PRDM2: variants seen among roughly 807,000 people sequenced by gnomAD.
The protein encoded by PRDM2 is PR/SET domain 2, also known as PR domain zinc finger protein 2.
A neutral mutation model predicts 130.0 loss-of-function variants in PRDM2; 30 were observed. That is an observed-to-expected ratio of 0.23 (90% CI 0.17 to 0.31). The LOEUF (loss-of-function observed/expected upper bound fraction) is 0.31, where lower values mean the gene tolerates loss of function less well. Ranked by LOEUF, PRDM2 falls within the 10% of genes least tolerant of loss-of-function variation. The pLI, the probability that PRDM2 is intolerant of heterozygous loss-of-function variation, is 1.00. For synonymous variants in PRDM2, 871 were observed against 782.4 expected (o/e 1.11, Z -1.89); for missense variants, 2,011 against 2,108.4 (o/e 0.95, Z 0.90).
chr1:13,767,939 G>A (rs756645447), intron 6 of PRDM2, among the ~76,000 whole-genome samples: 17 of 152,030 alleles, frequency 1.1e-4, no homozygotes, highest in Non-Finnish European at 2.4e-4. Flanking sequence ...TCATGCCATC[G>A]CACTCTAGCC....
In PRDM2 at chr1:13,823,451, G is replaced by C; in HGVS notation, c.*316G>C. On this transcript the variant is annotated 3_prime_UTR_variant, in exon 10 of 10. Transcript: ENST00000311066. ...TTCTGCAGCCCAGCCTTCCTGTTGG[G>C]GTGGGGCCTCTCCTACTATGCAATT... 1.9e-6 allele frequency: 1 copy of C among 513,582 alleles called. No homozygotes were observed. The highest frequency in any genetic ancestry group is 3.5e-6 in the Non-Finnish European group (1 of 288,012). The allele number at this position is 513,582 out of a possible 1,614,324, so 31.8% of individuals were successfully genotyped here.
Position 13,782,135 on chromosome 1 carries a change from A to G in PRDM2, c.4340A>G (p.Lys1447Arg). ...TCTGCAAAGCAGAAGGCCGACTTGAAAAATGCTTGTGAGTCATCCTCTCAC... is the reference window on the plus strand; with the variant it reads ...TCTGCAAAGCAGAAGGCCGACTTGAGAAATGCTTGTGAGTCATCCTCTCAC... ...NKSAKQKADL[K>R]NACESSSHIC... The change falls in exon 8 of 10, where the codon AAA becomes AGA. Residue 1447 changes from lysine to arginine, a missense_variant. Coordinates refer to ENST00000311066, the MANE Select transcript of PRDM2 (RefSeq NM_001393986.1). The G allele has an allele frequency of 6.2e-7, 1 of 1,613,974 alleles. No individual in the cohort carries two copies. The highest frequency in any genetic ancestry group is 2.2e-5 in the East Asian group (1 of 44,878).
chr1:13,823,133 T>C, intron 9 of PRDM2, 26 bp from the exon 10 acceptor site: 3 of 1,600,850 alleles, frequency 1.9e-6, no homozygotes, highest in Non-Finnish European at 2.6e-6. Context: ...TTACTGTTAT[T>C]ATTTTTATTT....
In PRDM2 at chr1:13,803,038, G is replaced by A. The variant is rs1398446040; in HGVS notation, c.5037-13389G>A. On this transcript the variant is annotated intron_variant, in intron 8 of 9. Transcript: ENST00000311066. This position sits in a 1 kb window ranked among gnomAD's most constrained non-coding sequence, Gnocchi z 6.2. ...GCTGGTCGTGTCACGGGCAGTGACG[G>A]TGTTTCCAGCCGAGGTGACATTCTC... 2.6e-5 allele frequency among the ~76,000 whole-genome samples: 4 copies of A among 152,214 alleles called. No homozygotes were observed. The highest frequency in any genetic ancestry group is 4.4e-5 in the Non-Finnish European group (3 of 68,042).
chr1:13,724,999 G>A (rs1011071097), intron 2 of PRDM2, among the ~76,000 whole-genome samples: 1 of 152,110 alleles, frequency 6.6e-6, no homozygotes, highest in African/African-American at 2.4e-5. Context: ...TTGTAGGTTT[G>A]GTCTCTAGGA....
chr1:13,816,883 A>G (rs567329005), intron 9 of PRDM2, among the ~76,000 whole-genome samples: 5 of 152,356 alleles, frequency 3.3e-5, no homozygotes, highest in African/African-American at 9.6e-5. Flanking sequence ...GATTGTGACA[A>G]TTACGAGTGT....
intron 8 of PRDM2, among the ~76,000 whole-genome samples, chr1:13,814,046 C>T (rs1453015612): frequency 2.0e-5 from 3 of 152,154 alleles, no homozygotes; most frequent in African/African-American, 7.2e-5. Flanking sequence ...TAGACATTTC[C>T]CTGGGAAGGG....
chr1:13,738,037 A>G (rs1643323922), intron 4 of PRDM2, among the ~76,000 whole-genome samples: 1 of 152,110 alleles, frequency 6.6e-6, no homozygotes, highest in African/African-American at 2.4e-5. Context: ...TCTGTTAGGA[A>G]CTTACCCTCA....
chr1:13,725,307 T>C (rs780894777), intron 2 of PRDM2, among the ~76,000 whole-genome samples: 49 of 152,244 alleles, frequency 3.2e-4, no homozygotes, highest in Middle Eastern at 3.4e-3. Flanking sequence ...CGGGTTCAAG[T>C]GATTCACCTG....
At chr1:13,715,802 G>T (rs1275298883) in intron 2 of PRDM2, among the ~76,000 whole-genome samples, 188 bp downstream of exon 2, 1 of 152,132 alleles carries the variant, frequency 6.6e-6, no homozygotes, top group Admixed American at 6.5e-5. Context: ...CATTGTTTGG[G>T]CGTGGGTTGG....
Position 13,773,252 on chromosome 1 carries a change from T to A in PRDM2, c.622+64T>A, listed in dbSNP as rs530774700. 1.4e-5 allele frequency: 13 copies of A among 924,348 alleles called. No individual in the cohort carries two copies. The South Asian group carries it at 3.0e-4, about 21-fold the overall frequency. The allele number at this position is 924,348 out of a possible 1,614,324, so 57.3% of individuals were successfully genotyped here. A position where few individuals can be genotyped will look rare whatever the true frequency, so the allele number is the denominator to read the frequency against. On this transcript the variant is annotated intron_variant, in intron 7 of 9. Coordinates refer to ENST00000311066, the MANE Select transcript of PRDM2 (RefSeq NM_001393986.1). ...TATGTACCCAGTGAATTTAACTTTG[T>A]ATCTCTTTATATTGTCCTTCTGAGA... is the stretch of plus-strand genomic sequence containing the variant.
At chr1:13,711,593 G>C (rs1409098435) in intron 1 of PRDM2, among the ~76,000 whole-genome samples, 1 of 152,196 alleles carries the variant, frequency 6.6e-6, no homozygotes, top group Non-Finnish European at 1.5e-5. Context: ...TTCCTCTGTT[G>C]AGAGACTCCG....
Position 13,781,879 on chromosome 1 carries a change from A to G in PRDM2, c.4084A>G (p.Lys1362Glu). 2 of 1,614,190 alleles carry G rather than the reference A, an allele frequency of 1.2e-6. No homozygotes were observed. Among genetic ancestry groups the G allele is most frequent in the Non-Finnish European group, 1.7e-6 (2 of 1,180,044 alleles). ...ILACASASDK[K>E]RYTPKKNPVP... ...GGCTTGTGCTTCTGCAAGTGACAAG[A>G]AGAGGTACACGCCTAAGAAAAACCC... The change falls in exon 8 of 10, where the codon AAG becomes GAG. Residue 1362 changes from lysine (K) to glutamate (E), a missense_variant. Physicochemically the swap from Lys to Glu is moderately conservative, Grantham distance 56 (BLOSUM62 1). Transcript: ENST00000311066. This position sits in a 1 kb window ranked among gnomAD's most constrained non-coding sequence, Gnocchi z 6.1.
intron 5 of PRDM2, among the ~76,000 whole-genome samples, chr1:13,744,331 T>A (rs1203628): frequency 0.044 from 6,651 of 152,298 alleles, 230 homozygotes; most frequent in Non-Finnish European, 0.066. Flanking sequence ...TGTGCCTCAA[T>A]TCCCACATTG....
chr1:13,755,221 C>G (rs906567023), intron 6 of PRDM2, among the ~76,000 whole-genome samples: 1 of 152,162 alleles, frequency 6.6e-6, no homozygotes, highest in African/African-American at 2.4e-5. Flanking sequence ...ATTCTTATGT[C>G]TATCCTTGTT....
At position 13,800,187 on chromosome 1, in the gene PRDM2, G is replaced by A. The variant is rs191177582; in HGVS notation, c.5037-16240G>A. ...AAACTGTCACAATGTCCTACTCCAC[G>A]GAATTTATGTTCTAGTTGGTGGAGA... On this transcript the variant is annotated intron_variant, in intron 8 of 9. Transcript: ENST00000311066. 1.1e-4 allele frequency among the ~76,000 whole-genome samples: 16 copies of A among 152,330 alleles called. No individual in the cohort carries two copies. In the South Asian group the frequency reaches 2.5e-3, roughly 24 times the overall value.
intron 7 of PRDM2, among the ~76,000 whole-genome samples, chr1:13,774,368 G>A (rs1644424604): frequency 6.6e-6 from 1 of 152,210 alleles, no homozygotes; most frequent in Non-Finnish European, 1.5e-5. Context: ...AGAAATATTT[G>A]TAGAGGAAAA....
chr1:13,706,982 A>C (rs2100385607), intron 1 of PRDM2, among the ~76,000 whole-genome samples: 1 of 152,278 alleles, frequency 6.6e-6, no homozygotes, highest in East Asian at 1.9e-4. Flanking sequence ...AAAAAAAAAA[A>C]AACTTAATAA....
intron 6 of PRDM2, among the ~76,000 whole-genome samples, chr1:13,764,140 C>T (rs1167904454): frequency 6.6e-6 from 1 of 152,110 alleles, no homozygotes; most frequent in Non-Finnish European, 1.5e-5. Context: ...TGAGAGTAAG[C>T]AATTCTCGAG....
Sources: gnomAD v4.1 joint callset for allele counts (sites outside exome capture counted in the v4.1 genomes callset) on GRCh38, gnomAD v4.1.1 for gene constraint, Gnocchi (gnomAD v3.1) non-coding constraint, MANE v1.5 for transcripts, NCBI Gene and HGNC (gene_info 2026-07-23, HGNC 2026-07-21) for gene names.